Variants in ZNF786 observed in about 807,000 individuals in gnomAD.
ZNF786 encodes the protein zinc finger protein 786.
ZNF786 carries 56 observed loss-of-function variants against 63.1 expected under a neutral mutation model. That is an observed-to-expected ratio of 0.89 (90% CI 0.72 to 1.11). The LOEUF is 1.11. ZNF786 is among the 50% of genes least tolerant of loss of function. ZNF786 has a pLI of 0.00. For missense variants in ZNF786, 1,213 were observed against 1,041.8 expected (o/e 1.16, Z -2.26); for synonymous variants, 485 against 406.9 (o/e 1.19, Z -2.31).
intron 3 of ZNF786, among the ~76,000 whole-genome samples, chr7:149,073,748 T>TGTGTGTGTGC (rs1825485181): frequency 2.8e-5 from 1 of 36,280 alleles, no homozygotes; most frequent in Non-Finnish European, 5.3e-5. Flanking sequence ...TGTGTGTGTG[T>TGTGTGTGTGC]ATATATATAT....
chr7:149,087,695 C>A (rs1563140725), intron 1 of ZNF786, among the ~76,000 whole-genome samples: 1 of 152,184 alleles, frequency 6.6e-6, no homozygotes, highest in African/African-American at 2.4e-5. Flanking sequence ...AACTTTCCAT[C>A]TCATTTCAGA....
In ZNF786 at chr7:149,071,943, A is replaced by G. The variant is rs779245202; in HGVS notation, c.829T>C (p.Phe277Leu). 6.2e-7 allele frequency: 1 copy of G among 1,610,924 alleles called. No individual in the cohort carries two copies. The highest frequency in any genetic ancestry group is 1.1e-5 in the South Asian group (1 of 91,036). Residue 277 changes from phenylalanine to leucine, a missense_variant, in exon 4 of 4, where the codon TTC (phenylalanine) becomes CTC (leucine). Coordinates refer to ENST00000491431, the MANE Select transcript of ZNF786 (RefSeq NM_152411.4). ...PFRNADGEMC[F>L]RHELTHPSHR... ...CTGGGATGGGTCAGCTCGTGTCGGA[A>G]GCACATTTCACCGTCAGCGTTCCGG...
chr7:149,074,330 G>C (rs1006509626), intron 3 of ZNF786, 56 bp downstream of exon 3: 3 of 1,591,778 alleles, frequency 1.9e-6, no homozygotes, highest in Non-Finnish European at 2.6e-6. Flanking sequence ...TCAGAGAAGA[G>C]AAACAAATCT....
At chr7:149,076,454 C>T (rs1313080952) in intron 2 of ZNF786, among the ~76,000 whole-genome samples, 1 of 148,380 alleles carries the variant, frequency 6.7e-6, no homozygotes, top group African/African-American at 2.5e-5. Context: ...CCAGGCCGGG[C>T]GCAGTGGCTC....
In ZNF786 at chr7:149,070,226, AAAG is replaced by A; in HGVS notation, c.*194_*196del. 1.7e-5 allele frequency: 12 copies of A among 698,136 alleles called. No homozygotes were observed. The highest frequency in any genetic ancestry group is 2.4e-5 in the South Asian group (1 of 42,066). The allele number at this position is 698,136 out of a possible 1,614,324, so 43.2% of individuals were successfully genotyped here. ...ACTCCATCTTGGAAAAAAAAAAAAA[AAAG>A]AAAGAAATATAATTGGTGATGCTTC... On this transcript the variant is annotated 3_prime_UTR_variant, in exon 4 of 4. Coordinates refer to ENST00000491431, the MANE Select transcript of ZNF786 (RefSeq NM_152411.4).
rs1185597902 is a variant in ZNF786 at position 149,070,907 on chromosome 7, T to A, written c.1865A>T (p.Gln622Leu). 16 of 1,613,162 alleles carry A rather than the reference T, an allele frequency of 9.9e-6. No homozygotes were observed. In the East Asian group the frequency reaches 3.6e-4, roughly 36 times the overall value. ...QRLHTGERPFQCPECDKRYRV... is the reference protein window; with the variant it reads ...QRLHTGERPFLCPECDKRYRV... ...ATAGCGCTTGTCGCACTCCGGACAC[T>A]GGAAGGGCCTCTCTCCCGTGTGCAG... Residue 622 changes from glutamine to leucine, a missense_variant, in exon 4 of 4, where the codon CAG (glutamine) becomes CTG (leucine). Coordinates refer to ENST00000491431, the MANE Select transcript of ZNF786 (RefSeq NM_152411.4).
At position 149,070,721 on chromosome 7, in the gene ZNF786, C is replaced by G. The variant is rs770318253; in HGVS notation, c.2051G>C (p.Ser684Thr). The G allele has an allele frequency of 1.2e-6, 2 of 1,613,812 alleles. No homozygotes were observed. The highest frequency in any genetic ancestry group is 2.2e-5 in the South Asian group (2 of 91,090). ...GAGCAGCTGCGCCTTCAGGCGGAAA[C>G]TCTTGTCACACTTGGGACACTGAAA... ...KPFQCPKCDK[S>T]FRLKAQLLSH... The change falls in exon 4 of 4, where the codon AGT becomes ACT. Residue 684 changes from serine to threonine, a missense_variant. Physicochemically the swap from Ser to Thr is moderately conservative, Grantham distance 58 (BLOSUM62 1). Coordinates refer to ENST00000491431, the MANE Select transcript of ZNF786 (RefSeq NM_152411.4).
chr7:149,071,115 T>C lies in ZNF786; in HGVS notation c.1657A>G (p.Lys553Glu). The C allele has an allele frequency of 6.3e-7, 1 of 1,597,048 alleles. No individual in the cohort carries two copies. The highest frequency in any genetic ancestry group is 8.5e-7 in the Non-Finnish European group (1 of 1,173,526). ...TTGCTGTGCGTGTGCTGGTGGGCCT[T>C]CAGGATGCCCTTCAGGCGGAAGCGC... is the stretch of plus-strand genomic sequence containing the variant. ...DKRFRLKGILKAHQHTHSKER... is the reference protein window; with the variant it reads ...DKRFRLKGILEAHQHTHSKER... Residue 553 changes from lysine to glutamate, a missense_variant, in exon 4 of 4, where the codon AAG becomes GAG. Coordinates refer to ENST00000491431, the MANE Select transcript of ZNF786 (RefSeq NM_152411.4).
intron 2 of ZNF786, among the ~76,000 whole-genome samples, chr7:149,074,928 C>G (rs1281478426): frequency 6.6e-6 from 1 of 152,000 alleles, no homozygotes; most frequent in Non-Finnish European, 1.5e-5. Flanking sequence ...GTAGCCTCGG[C>G]TTCCTGGGCT....
chr7:149,080,474 C>A, intron 2 of ZNF786, 117 bp downstream of exon 2: 9 of 1,056,118 alleles, frequency 8.5e-6, no homozygotes, highest in Non-Finnish European at 1.2e-5. Context: ...GGTAAAAATA[C>A]CCTTCTGAGT....
intron 1 of ZNF786, among the ~76,000 whole-genome samples, chr7:149,083,455 G>A (rs1408652494): frequency 6.6e-6 from 1 of 151,920 alleles, no homozygotes; most frequent in Non-Finnish European, 1.5e-5. Context: ...GACCTCAGGT[G>A]ATCCACCCGC....
rs2129513672 is a variant in ZNF786, at chr7:149,070,765, C to T, written c.2007G>A (p.Thr669=). Residue 669 remains threonine (T), a synonymous_variant, in exon 4 of 4, where the codon ACG becomes ACA. Coordinates refer to ENST00000491431, the MANE Select transcript of ZNF786 (RefSeq NM_152411.4). The part of the protein sequence containing the change: ...KHSKLIEHIR[T]HTGEKPFQCP... ...ACTGAAAAGGCTTCTCTCCCGTGTGCGTTCTGATGTGCTCGATGAGCTTTG... is the reference window on the plus strand; with the variant it reads ...ACTGAAAAGGCTTCTCTCCCGTGTGTGTTCTGATGTGCTCGATGAGCTTTG... 6.2e-7 allele frequency: 1 copy of T among 1,613,762 alleles called. No individual in the cohort carries two copies. Among genetic ancestry groups the T allele is most frequent in the Non-Finnish European group, 8.5e-7 (1 of 1,179,952 alleles).
At chr7:149,089,921 G>T (rs1326620325) in intron 1 of ZNF786, among the ~76,000 whole-genome samples, 1 of 151,504 alleles carries the variant, frequency 6.6e-6, no homozygotes, top group Admixed American at 6.6e-5. Context: ...CACCATGTTG[G>T]CCAGGCTGGT....
intron 1 of ZNF786, among the ~76,000 whole-genome samples, chr7:149,088,538 T>C (rs1825773535): frequency 6.6e-6 from 1 of 152,252 alleles, no homozygotes; most frequent in Non-Finnish European, 1.5e-5. Flanking sequence ...TGTTTATACT[T>C]GTGTTAAAGA....
chr7:149,073,747 GTATATATATATATATATATATATATA>G (rs57987134), intron 3 of ZNF786, among the ~76,000 whole-genome samples: 6 of 77,602 alleles, frequency 7.7e-5, no homozygotes, highest in Non-Finnish European at 1.5e-4. Flanking sequence ...GTGTGTGTGT[GTATATATATATATATATATATATATA>G]TATATATGTA....
chr7:149,083,674 G>A (rs1292906024), intron 1 of ZNF786, among the ~76,000 whole-genome samples: 1 of 152,100 alleles, frequency 6.6e-6, no homozygotes, highest in Non-Finnish European at 1.5e-5. Flanking sequence ...GAATTTTTCA[G>A]TCCTCATTCT....
At position 149,071,442 on chromosome 7, in the gene ZNF786, T is replaced by C. The variant is rs1825414031; in HGVS notation, c.1330A>G (p.Ile444Val). 1.9e-6 allele frequency: 3 copies of C among 1,603,956 alleles called. No individual in the cohort carries two copies. Among genetic ancestry groups the C allele is most frequent in the African/African-American group, 1.4e-5 (1 of 72,062 alleles). The change falls in exon 4 of 4, where the codon ATT becomes GTT. Residue 444 changes from isoleucine (I) to valine (V), a missense_variant. Transcript: ENST00000491431. ...FAKQCKLTEH[I>V]RVHSGEKPFR... Reference sequence around the variant, plus strand: ...GGCTTCTCTCCGCTGTGGACTCGAATGTGCTCCGTGAGTTTACACTGCTTG... The same window carrying C: ...GGCTTCTCTCCGCTGTGGACTCGAACGTGCTCCGTGAGTTTACACTGCTTG...
At position 149,090,707 on chromosome 7, in the gene ZNF786, C is replaced by T; in HGVS notation, c.-67G>A. On this transcript the variant is annotated 5_prime_UTR_variant, in exon 1 of 4. Transcript: ENST00000491431. ...TCCGGCGGCTCCGCAGGAACCTGCC[C>T]TGCTGCGCACTGACTCCCCTCCGCT... is the stretch of plus-strand genomic sequence containing the variant. 3 of 1,502,996 alleles carry T rather than the reference C, an allele frequency of 2.0e-6. No homozygotes were observed. Among genetic ancestry groups the T allele is most frequent in the Non-Finnish European group, 2.7e-6 (3 of 1,117,190 alleles). The allele number at this position is 1,502,996 out of a possible 1,614,324, so 93.1% of individuals were successfully genotyped here.
chr7:149,072,111 A>T lies in ZNF786; in HGVS notation c.661T>A (p.Phe221Ile). Residue 221 changes from phenylalanine to isoleucine, a missense_variant, in exon 4 of 4, where the codon TTC (phenylalanine) becomes ATC (isoleucine). Phe to Ile is a conservative substitution (Grantham distance 21). Transcript: ENST00000491431. ...ATCTGCGTCTCCGCCCTCTTGTTGA[A>T]TTTCTCCCAGGCCCTACGTGTCCGG... ...KDRTRRAWEK[F>I]NKRAETQMPW... 1.2e-6 allele frequency: 2 copies of T among 1,613,122 alleles called. No individual in the cohort carries two copies. Among genetic ancestry groups the T allele is most frequent in the Non-Finnish European group, 1.7e-6 (2 of 1,179,668 alleles).
Sources: gnomAD v4.1 joint callset for allele counts (sites outside exome capture counted in the v4.1 genomes callset) on GRCh38, gnomAD v4.1.1 for gene constraint, MANE v1.5 for transcripts, NCBI Gene and HGNC (gene_info 2026-07-23, HGNC 2026-07-21) for gene names.